Variants in GRPR observed in about 807,000 individuals in gnomAD.
The protein encoded by GRPR is gastrin releasing peptide receptor.
Under a neutral mutation model 15.6 loss-of-function variants are expected in GRPR, and 4 were observed. That is an observed-to-expected ratio of 0.26 (90% confidence interval 0.13 to 0.59). The LOEUF (loss-of-function observed/expected upper bound fraction) is 0.59. Among genes scored for constraint, GRPR ranks in the 20% least tolerant of loss-of-function variants. GRPR has a pLI of 0.90. For synonymous variants in GRPR, 128 were observed against 126.8 expected, an observed-to-expected ratio of 1.01 and a Z score of -0.06; for missense variants, 270 against 304.1, an observed-to-expected ratio of 0.89 and a Z score of 0.83.
chrX:16,124,317 A>C lies in GRPR; in HGVS notation c.364A>C (p.Thr122Pro). Residue 122 changes from threonine (T) to proline (P), a missense_variant, in exon 1 of 3, where the codon ACC (threonine) becomes CCC (proline). Thr to Pro is a conservative substitution (Grantham distance 38). Around this residue, in one of 3 missense-constraint regions of GRPR, gnomAD observed 115 missense variants for 128.8 expected, o/e 0.89. Coordinates refer to ENST00000380289, the MANE Select transcript of GRPR (RefSeq NM_005314.3). ...GCKLIPFIQL[T>P]SVGVSVFTLT... ...CAAACTGATCCCCTTTATACAGCTTACCTCTGTTGGGGTGTCTGTCTTCAC... is the reference window on the plus strand; with the variant it reads ...CAAACTGATCCCCTTTATACAGCTTCCCTCTGTTGGGGTGTCTGTCTTCAC... 1 of 1,210,530 alleles carries C rather than the reference A, an allele frequency of 8.3e-7. No homozygotes were observed. The highest frequency in any genetic ancestry group is 1.1e-6 in the Non-Finnish European group (1 of 894,795).
At chrX:16,135,693 A>G (rs181423940) in intron 1 of GRPR, among the ~76,000 whole-genome samples, 1 of 112,282 alleles carries the variant, frequency 8.9e-6, no homozygotes, top group Non-Finnish European at 1.9e-5. Context: ...GGCCTCTGTT[A>G]TGAGAAATAC....
chrX:16,140,301 A>G (rs1488808686), intron 1 of GRPR, among the ~76,000 whole-genome samples: 1 of 112,686 alleles, frequency 8.9e-6, no homozygotes, highest in Non-Finnish European at 1.9e-5. Flanking sequence ...TTGGAAAAAA[A>G]TGATAATGTA....
chrX:16,128,389 C>T (rs935049168), intron 1 of GRPR, among the ~76,000 whole-genome samples: 1 of 110,597 alleles, frequency 9.0e-6, no homozygotes, highest in Non-Finnish European at 1.9e-5. Flanking sequence ...GTGGCAGGAG[C>T]CTGTCATCCC....
intron 1 of GRPR, among the ~76,000 whole-genome samples, chrX:16,126,972 G>C (rs1297249059): frequency 3.6e-5 from 4 of 111,473 alleles, no homozygotes; most frequent in African/African-American, 1.3e-4. Flanking sequence ...TGAAATTGCT[G>C]GGTTATAGGG....
intron 2 of GRPR, among the ~76,000 whole-genome samples, chrX:16,151,557 T>C (rs1227749047): frequency 8.9e-6 from 1 of 111,855 alleles, no homozygotes; most frequent in Non-Finnish European, 1.9e-5. Context: ...ACCTTCCTAC[T>C]TGAAAAGCCT....
At chrX:16,126,074 T>C (rs941277076) in intron 1 of GRPR, among the ~76,000 whole-genome samples, 3 of 111,472 alleles carry the variant, frequency 2.7e-5, no homozygotes, top group Non-Finnish European at 5.6e-5. Context: ...GGAACTCTTC[T>C]CTGGAGTTTC....
intron 1 of GRPR, among the ~76,000 whole-genome samples, chrX:16,139,390 G>A (rs1040995187): frequency 9.0e-6 from 1 of 111,189 alleles, no homozygotes; most frequent in South Asian, 3.8e-4. Flanking sequence ...GACCACCTGC[G>A]GCCCGGGATG....
rs73446178 is a variant in GRPR, at chrX:16,153,029, G to C, written c.*384G>C. 0.031 allele frequency: 6,091 copies of C among 194,325 alleles called. 347 individuals are homozygous for C. The highest frequency in any genetic ancestry group is 0.16 in the African/African-American group (5,642 of 34,574). The allele number at this position is 194,325 out of a possible 1,213,427, so 16.0% of individuals were successfully genotyped here. A position where few individuals can be genotyped will look rare whatever the true frequency, so the allele number is the denominator to read the frequency against. On this transcript the variant is annotated 3_prime_UTR_variant, in exon 3 of 3. Transcript: ENST00000380289. Reference sequence around the variant, plus strand: ...TACATTGAATGCTTACTTTGTGAAAGACTTCACCTTGTCATTTCTTTAAGC... The same window carrying C: ...TACATTGAATGCTTACTTTGTGAAACACTTCACCTTGTCATTTCTTTAAGC...
At chrX:16,127,279 G>A (rs745323852) in intron 1 of GRPR, among the ~76,000 whole-genome samples, 2 of 111,428 alleles carry the variant, frequency 1.8e-5, no homozygotes, top group Non-Finnish European at 3.8e-5. Context: ...GGGTGAATTC[G>A]AGTCTTTGTC....
In GRPR at chrX:16,152,696, C is replaced by G; in HGVS notation, c.*51C>G. ...GGGACGGTTTTGCTTTATGGCTAGA[C>G]AGGAACCCTTGCATCCATTGTTGTG... On this transcript the variant is annotated 3_prime_UTR_variant, in exon 3 of 3. Coordinates refer to ENST00000380289, the MANE Select transcript of GRPR (RefSeq NM_005314.3). The G allele has an allele frequency of 9.4e-7, 1 of 1,066,136 alleles. No individual in the cohort carries two copies. The highest frequency in any genetic ancestry group is 1.3e-6 in the Non-Finnish European group (1 of 763,947). The allele number at this position is 1,066,136 out of a possible 1,213,427, so 87.9% of individuals were successfully genotyped here.
At chrX:16,132,449 T>A (rs992661119) in intron 1 of GRPR, among the ~76,000 whole-genome samples, 3 of 112,054 alleles carry the variant, frequency 2.7e-5, no homozygotes, top group African/African-American at 9.7e-5. Flanking sequence ...CTGCTAAATT[T>A]CACCAACATC....
chrX:16,128,547 G>A (rs1037678539), intron 1 of GRPR, among the ~76,000 whole-genome samples: 2 of 111,313 alleles, frequency 1.8e-5, no homozygotes, highest in Non-Finnish European at 3.8e-5. Flanking sequence ...TAACAATAAC[G>A]TATCACATAG....
At chrX:16,130,414 G>T (rs1035723265) in intron 1 of GRPR, among the ~76,000 whole-genome samples, 2 of 112,499 alleles carry the variant, frequency 1.8e-5, no homozygotes, top group African/African-American at 6.5e-5. Flanking sequence ...ATTCAGAATG[G>T]ACTCAGATTA....
chrX:16,126,285 C>A (rs1266677078), intron 1 of GRPR, among the ~76,000 whole-genome samples: 2 of 112,107 alleles, frequency 1.8e-5, no homozygotes, highest in African/African-American at 6.5e-5. Flanking sequence ...TCACCTGAAT[C>A]ACAGGTAGTG....
At position 16,152,666 on chromosome X, in the gene GRPR, CCT is replaced by C. The variant is rs1186471371; in HGVS notation, c.*22_*23del. The C allele has an allele frequency of 8.4e-7, 1 of 1,186,872 alleles. No homozygotes were observed. The highest frequency in any genetic ancestry group is 2.2e-5 in the Admixed American group (1 of 45,940). ...TCTAGATTGACCCTTGATTTTGCCC[CCT>C]GAGGGACGGTTTTGCTTTATGGCTA... On this transcript the variant is annotated 3_prime_UTR_variant, in exon 3 of 3. Coordinates refer to ENST00000380289, the MANE Select transcript of GRPR (RefSeq NM_005314.3).
chrX:16,146,190 C>A (rs1922602616), intron 1 of GRPR, among the ~76,000 whole-genome samples: 1 of 111,863 alleles, frequency 8.9e-6, no homozygotes, highest in African/African-American at 3.2e-5. Context: ...GGAACTAAAT[C>A]TGGTGATAAC....
chrX:16,147,374 G>T (rs756881375), intron 1 of GRPR, among the ~76,000 whole-genome samples: 98 of 111,115 alleles, frequency 8.8e-4, no homozygotes, highest in Middle Eastern at 9.3e-3. Context: ...ATTGTTGTTT[G>T]GTTTGACTCA....
At chrX:16,146,419 A>AT (rs1283275429) in intron 1 of GRPR, among the ~76,000 whole-genome samples, 4 of 109,171 alleles carry the variant, frequency 3.7e-5, no homozygotes, top group African/African-American at 1.0e-4. Flanking sequence ...TGTCTGCTTC[A>AT]TTTTTTTTTC....
At chrX:16,130,148 T>C (rs1052176415) in intron 1 of GRPR, among the ~76,000 whole-genome samples, 1 of 112,115 alleles carries the variant, frequency 8.9e-6, no homozygotes, top group Non-Finnish European at 1.9e-5. Context: ...ATCTATCCTG[T>C]ACTACTAGGT....
Sources: gnomAD v4.1 joint callset for allele counts (sites outside exome capture counted in the v4.1 genomes callset) on GRCh38, gnomAD v4.1.1 for gene constraint, gnomAD v4.1.1 regional missense constraint, MANE v1.5 for transcripts, NCBI Gene and HGNC (gene_info 2026-07-23, HGNC 2026-07-21) for gene names.